Variants in ZNF516 observed in about 807,000 individuals in gnomAD.
ZNF516 encodes the protein zinc finger protein 516.
In ZNF516, 19 loss-of-function variants were observed where a neutral mutation model predicts 79.7. The observed-to-expected ratio is 0.24, with a 90% CI of 0.17 to 0.35. ZNF516 has a LOEUF of 0.35. Among genes scored for constraint, ZNF516 ranks in the 10% least tolerant of loss-of-function variants. ZNF516 has a pLI of 1.00. For missense variants in ZNF516, 1,678 were observed against 1,679.5 expected, an observed-to-expected ratio of 1.00 and a Z score of 0.02; for synonymous variants, 877 against 739.5, an observed-to-expected ratio of 1.19 and a Z score of -3.02.
At chr18:76,376,533 C>CAAA (rs10708911) in intron 4 of ZNF516, among the ~76,000 whole-genome samples, 8 of 132,826 alleles carry the variant, frequency 6.0e-5, no homozygotes, top group South Asian at 2.3e-4. Context: ...CTCTCTCTTT[C>CAAA]AAAAAAAAAA....
chr18:76,425,260 C>T (rs1023060221), intron 3 of ZNF516, among the ~76,000 whole-genome samples: 11 of 152,198 alleles, frequency 7.2e-5, no homozygotes, highest in African/African-American at 1.7e-4. Flanking sequence ...CCATTTGCCC[C>T]GTGGAATCTA....
chr18:76,366,066 C>G (rs369621110), intron 6 of ZNF516, among the ~76,000 whole-genome samples: 7 of 152,120 alleles, frequency 4.6e-5, no homozygotes, highest in African/African-American at 9.7e-5. Flanking sequence ...TTAAACAGTG[C>G]GTGTGCTGAA....
chr18:76,481,890 T>C (rs1265294394), intron 1 of ZNF516, among the ~76,000 whole-genome samples: 1 of 152,224 alleles, frequency 6.6e-6, no homozygotes, highest in Non-Finnish European at 1.5e-5. Context: ...ACTGTCATAG[T>C]AATTCAAAAA....
rs369338373 is a variant in ZNF516, at chr18:76,362,502, G to A, written c.3488C>T (p.Thr1163Ile). 20 of 1,613,046 alleles carry A rather than the reference G, an allele frequency of 1.2e-5. No homozygotes were observed. Among genetic ancestry groups the A allele is most frequent in the Non-Finnish European group, 1.5e-5 (18 of 1,179,286 alleles). The change falls in exon 7 of 7, where the codon ACC becomes ATC. Residue 1163 changes from threonine (T) to isoleucine (I), a missense_variant. This residue lies in a region of ZNF516 where 1,294 missense variants were observed against 1,248.3 expected (regional missense o/e 1.04). Transcript: ENST00000443185. ...TVQTVPLRKGT is the reference protein window; with the variant it reads ...TVQTVPLRKGI ...GGGTGCGTCGGAAACACGCCTTTAGGTTCCCTTTCTCAGAGGCACTGTCTG... is the reference window on the plus strand; with the variant it reads ...GGGTGCGTCGGAAACACGCCTTTAGATTCCCTTTCTCAGAGGCACTGTCTG...
intron 4 of ZNF516, among the ~76,000 whole-genome samples, chr18:76,376,446 A>G (rs1271071120): frequency 1.3e-5 from 2 of 152,178 alleles, no homozygotes; most frequent in African/African-American, 4.8e-5. Context: ...TGTGTACATT[A>G]GAAGAATAAA....
At chr18:76,413,527 A>C (rs1032328284) in intron 3 of ZNF516, among the ~76,000 whole-genome samples, 2 of 152,142 alleles carry the variant, frequency 1.3e-5, no homozygotes, top group Non-Finnish European at 2.9e-5. Context: ...TTCACTTTAT[A>C]TGACTATATT....
intron 2 of ZNF516, among the ~76,000 whole-genome samples, chr18:76,446,192 G>T (rs564617450): frequency 3.1e-4 from 47 of 152,118 alleles, no homozygotes; most frequent in African/African-American, 1.1e-3. Flanking sequence ...ACATGTCACC[G>T]AAGCCCCTTG....
chr18:76,460,159 C>T (rs1199267000), intron 2 of ZNF516, among the ~76,000 whole-genome samples: 1 of 152,228 alleles, frequency 6.6e-6, no homozygotes, highest in Non-Finnish European at 1.5e-5. Flanking sequence ...CCGATGACTC[C>T]TAGTGCTGTT....
At chr18:76,380,365 A>C in intron 3 of ZNF516, 62 bp from the exon 4 acceptor site, 1 of 1,566,456 alleles carries the variant, frequency 6.4e-7, no homozygotes, top group Non-Finnish European at 8.6e-7. Flanking sequence ...AGCAAGACAC[A>C]CGGTGCGTAC....
chr18:76,413,510 A>T (rs2075396853), intron 3 of ZNF516, among the ~76,000 whole-genome samples: 1 of 152,134 alleles, frequency 6.6e-6, no homozygotes, highest in African/African-American at 2.4e-5. Context: ...TCAATCAACC[A>T]ACTACATTCA....
At chr18:76,368,637 G>T (rs1017372444) in intron 6 of ZNF516, among the ~76,000 whole-genome samples, 11 of 152,132 alleles carry the variant, frequency 7.2e-5, no homozygotes, top group Non-Finnish European at 1.3e-4. Context: ...AGGATAGTTG[G>T]TATGAAGTAT....
chr18:76,430,936 T>C (rs1244217590), intron 3 of ZNF516, among the ~76,000 whole-genome samples: 1 of 152,240 alleles, frequency 6.6e-6, no homozygotes, highest in African/African-American at 2.4e-5. Context: ...GATATCGCTA[T>C]GTGAACCATG....
At chr18:76,387,177 G>C (rs928078366) in intron 3 of ZNF516, 7 of 152,328 alleles carry the variant, frequency 4.6e-5, no homozygotes, top group African/African-American at 1.7e-4. Flanking sequence ...CATCAGCTCA[G>C]GTCAGACACG....
At position 76,379,649 on chromosome 18, in the gene ZNF516, A is replaced by G. The variant is rs1359460963; in HGVS notation, c.2465T>C (p.Leu822Pro). Residue 822 changes from leucine (L) to proline (P), a missense_variant, in exon 4 of 7, where the codon CTC becomes CCC. Leu to Pro is a moderately conservative substitution (Grantham distance 98). Around this residue, in one of 5 missense-constraint regions of ZNF516, gnomAD observed 1,294 missense variants for 1,248.3 expected, o/e 1.04. Transcript: ENST00000443185. ...CAAAGGCTGGCATTCTTTGCCACCG[A>G]GGGCAGGCGGGGGGCCCGTGCGTCC... ...RSGRTGPPPA[L>P]GGKECQPLLL... is the part of the protein sequence containing the mutation. 1 of 1,613,524 alleles carries G rather than the reference A, an allele frequency of 6.2e-7. No individual in the cohort carries two copies.
intron 3 of ZNF516, among the ~76,000 whole-genome samples, chr18:76,409,302 C>T (rs1018435948): frequency 1.3e-5 from 2 of 152,088 alleles, no homozygotes; most frequent in Non-Finnish European, 2.9e-5. Context: ...TTTTCATTAT[C>T]AAATTTAATC....
chr18:76,464,653 T>TTTCAGATGGGGACA (rs1913342392), intron 1 of ZNF516, among the ~76,000 whole-genome samples: 1 of 126,910 alleles, frequency 7.9e-6, no homozygotes, highest in Non-Finnish European at 1.6e-5. Flanking sequence ...CCCCCAGCCT[T>TTTCAGATGGGGACA]GTCATTTCAG....
chr18:76,405,794 C>A (rs556057924), intron 3 of ZNF516, among the ~76,000 whole-genome samples: 2 of 152,168 alleles, frequency 1.3e-5, no homozygotes, highest in African/African-American at 2.4e-5. Context: ...TCACACTCAG[C>A]CTGATGACGG....
intron 3 of ZNF516, among the ~76,000 whole-genome samples, chr18:76,426,670 C>CA (rs1251693451): frequency 5.3e-5 from 8 of 151,484 alleles, no homozygotes; most frequent in African/African-American, 1.2e-4. Context: ...CGCAAGAGTC[C>CA]AAAAAAAACT....
At chr18:76,490,809 G>T in intron 1 of ZNF516, 1 of 985,050 alleles carries the variant, frequency 1.0e-6, no homozygotes, top group Non-Finnish European at 1.2e-6. Context: ...GAGCGGACCG[G>T]AGGGTCCGAG....
Sources: gnomAD v4.1 joint callset for allele counts (sites outside exome capture counted in the v4.1 genomes callset) on GRCh38, gnomAD v4.1.1 for gene constraint, gnomAD v4.1.1 regional missense constraint, MANE v1.5 for transcripts, NCBI Gene and HGNC (gene_info 2026-07-23, HGNC 2026-07-21) for gene names.